Variants in TMTC3 observed in about 807,000 individuals in gnomAD.
TMTC3 encodes transmembrane O-mannosyltransferase targeting cadherins 3.
TMTC3 carries 52 observed loss-of-function variants against 92.2 expected under a neutral mutation model. The observed-to-expected ratio is 0.56, with a 90% CI of 0.45 to 0.71. The LOEUF is 0.71. TMTC3 is among the 30% of genes least tolerant of loss of function. TMTC3 has a pLI of 0.00. For missense variants in TMTC3, 896 were observed against 1,057.1 expected (o/e 0.85, Z 2.11); for synonymous variants, 339 against 363.3 (o/e 0.93, Z 0.76).
At chr12:88,161,912 A>G (rs933782707) in intron 6 of TMTC3, among the ~76,000 whole-genome samples, 4 of 151,914 alleles carry the variant, frequency 2.6e-5, no homozygotes, top group South Asian at 2.1e-4. Context: ...TTGAACATAC[A>G]TTGCTTTAAA....
chr12:88,191,521 A>G (rs946556825), intron 12 of TMTC3, among the ~76,000 whole-genome samples: 4 of 152,194 alleles, frequency 2.6e-5, no homozygotes, highest in Admixed American at 2.6e-4. Flanking sequence ...TTATTTGTAC[A>G]TATGTAAAAA....
At position 88,150,552 on chromosome 12, in the gene TMTC3, A is replaced by T. The variant is rs1380868523; in HGVS notation, c.189+2048A>T. On this transcript the variant is annotated intron_variant, in intron 2 of 13. Coordinates refer to ENST00000266712, the MANE Select transcript of TMTC3 (RefSeq NM_181783.4). ...AGCAGATGGACTAAGAAAAAGACTCATATGTTCTGACAGAATGGATGAACA... is the reference window on the plus strand; with the variant it reads ...AGCAGATGGACTAAGAAAAAGACTCTTATGTTCTGACAGAATGGATGAACA... Among the ~76,000 whole-genome samples, 8 of 152,308 alleles carry T rather than the reference A, an allele frequency of 5.3e-5. No homozygotes were observed. In the East Asian group the frequency reaches 1.5e-3, roughly 29 times the overall value.
intron 6 of TMTC3, among the ~76,000 whole-genome samples, chr12:88,162,117 T>TTCTA (rs2138385485): frequency 6.6e-6 from 1 of 152,218 alleles, no homozygotes; most frequent in East Asian, 1.9e-4. Flanking sequence ...GGGTGGAGAA[T>TTCTA]TCTACACTGG....
intron 8 of TMTC3, among the ~76,000 whole-genome samples, chr12:88,173,859 C>T (rs1462895255): frequency 6.6e-6 from 1 of 152,092 alleles, no homozygotes; most frequent in Non-Finnish European, 1.5e-5. Context: ...CAAGATCACA[C>T]AGCTAGTAAA....
intron 6 of TMTC3, among the ~76,000 whole-genome samples, chr12:88,163,584 A>G (rs899484533): frequency 2.0e-5 from 3 of 152,188 alleles, no homozygotes; most frequent in Non-Finnish European, 2.9e-5. Flanking sequence ...AATTTGTTCC[A>G]TAACTGTCTG....
chr12:88,163,979 G>A (rs895617841), intron 6 of TMTC3, among the ~76,000 whole-genome samples: 1 of 151,978 alleles, frequency 6.6e-6, no homozygotes, highest in Non-Finnish European at 1.5e-5. Flanking sequence ...GATCACTTGA[G>A]GTCAGGAGTT....
chr12:88,188,882 A>G lies in TMTC3; in HGVS notation c.1472A>G (p.Lys491Arg), dbSNP rs1293662508. Reference protein sequence around the residue: ...GAHMNVGRTYKNLNRTKEAEE... With the variant: ...GAHMNVGRTYRNLNRTKEAEE... ...CATATGAATGTAGGAAGAACTTATA[A>G]AAATTTAAATAGAACCAAAGAAGCT... is the stretch of plus-strand genomic sequence containing the variant. The change falls in exon 11 of 14, where the codon AAA (lysine) becomes AGA (arginine). Residue 491 changes from lysine to arginine, a missense_variant. Transcript: ENST00000266712. 1 of 1,595,986 alleles carries G rather than the reference A, an allele frequency of 6.3e-7. No homozygotes were observed. Among genetic ancestry groups the G allele is most frequent in the Non-Finnish European group, 8.5e-7 (1 of 1,173,120 alleles).
intron 10 of TMTC3, among the ~76,000 whole-genome samples, chr12:88,187,167 T>TAA (rs71448730): frequency 2.8e-4 from 36 of 126,358 alleles, no homozygotes; most frequent in African/African-American, 1.0e-3. Context: ...ATTTATCTGG[T>TAA]AAAAAAAAAA....
At chr12:88,193,134 T>C (rs903410920) in intron 13 of TMTC3, among the ~76,000 whole-genome samples, 3 of 152,146 alleles carry the variant, frequency 2.0e-5, no homozygotes, top group African/African-American at 7.2e-5. Flanking sequence ...AAACATAATG[T>C]AACTTATATA....
chr12:88,176,467 A>G (rs189657959), intron 10 of TMTC3, 148 bp downstream of exon 10: 6 of 573,310 alleles, frequency 1.0e-5, no homozygotes, highest in South Asian at 4.7e-5. Flanking sequence ...TGGATTACAT[A>G]TAACAGCCAC....
chr12:88,184,733 A>G, intron 10 of TMTC3, among the ~76,000 whole-genome samples: 1 of 152,226 alleles, frequency 6.6e-6, no homozygotes, highest in Non-Finnish European at 1.5e-5. Flanking sequence ...TCCATTCTAA[A>G]TAAAGGCATA....
In TMTC3 at chr12:88,194,965, A is replaced by G. The variant is rs758554038; in HGVS notation, c.2061A>G (p.Ala687=). ...TGGATGACAAAAAGGACAATGAAGC[A>G]GAGATTTGGATGAAGAAAGCCATAA... ...LAMDDKKDNE[A]EIWMKKAIKL... is the part of the protein sequence containing the mutation. The change falls in exon 14 of 14, where the codon GCA becomes GCG. Residue 687 remains alanine (A), a synonymous_variant. Coordinates refer to ENST00000266712, the MANE Select transcript of TMTC3 (RefSeq NM_181783.4). 6.2e-7 allele frequency: 1 copy of G among 1,613,896 alleles called. No homozygotes were observed. Among genetic ancestry groups the G allele is most frequent in the East Asian group, 2.2e-5 (1 of 44,806 alleles).
intron 2 of TMTC3, among the ~76,000 whole-genome samples, 157 bp from the exon 3 acceptor site, chr12:88,153,134 T>C (rs892068489): frequency 6.6e-6 from 1 of 152,160 alleles, no homozygotes; most frequent in Non-Finnish European, 1.5e-5. Context: ...TAAAACTGTA[T>C]TTTATTTTTG....
chr12:88,184,229 A>G (rs1012321472), intron 10 of TMTC3, among the ~76,000 whole-genome samples: 5 of 152,166 alleles, frequency 3.3e-5, no homozygotes, highest in South Asian at 2.1e-4. Context: ...ATTTAATGAT[A>G]AAGGCTTGGA....
intron 6 of TMTC3, among the ~76,000 whole-genome samples, chr12:88,161,554 ATAAT>A (rs1421093944): frequency 1.3e-5 from 2 of 151,970 alleles, no homozygotes; most frequent in Admixed American, 1.3e-4. Flanking sequence ...ATTTAATTTG[ATAAT>A]TGATATAGTT....
At chr12:88,174,901 C>T (rs1195984148) in intron 9 of TMTC3, among the ~76,000 whole-genome samples, 174 bp downstream of exon 9, 1 of 152,042 alleles carries the variant, frequency 6.6e-6, no homozygotes, top group East Asian at 1.9e-4. Flanking sequence ...ACCAAATGCT[C>T]TGAATAATAC....
intron 10 of TMTC3, among the ~76,000 whole-genome samples, chr12:88,178,731 T>C (rs2041285736): frequency 6.6e-6 from 1 of 152,190 alleles, no homozygotes; most frequent in Non-Finnish European, 1.5e-5. Context: ...GGATTAATTA[T>C]ATTCTAAGAG....
In TMTC3 at chr12:88,160,485, A is replaced by G. The variant is rs539758001; in HGVS notation, c.625-194A>G. Among the ~76,000 whole-genome samples the G allele has an allele frequency of 3.9e-5, 6 of 152,240 alleles. No individual in the cohort carries two copies. The South Asian group carries it at 8.3e-4, about 21-fold the overall frequency. ...TAGGCAGCTTGGAAAAGTATGCAAT[A>G]GTACTGTACAGTATAATTCATTATT... On this transcript the variant is annotated intron_variant, in intron 5 of 13. Transcript: ENST00000266712.
rs1565961652 is a variant in TMTC3, at chr12:88,195,313, T to A, written c.2409T>A (p.His803Gln). 1.2e-6 allele frequency: 2 copies of A among 1,613,854 alleles called. No homozygotes were observed. Among genetic ancestry groups the A allele is most frequent in the Non-Finnish European group, 1.7e-6 (2 of 1,179,876 alleles). Residue 803 changes from histidine to glutamine, a missense_variant, in exon 14 of 14, where the codon CAT (histidine) becomes CAA (glutamine). By Grantham distance (24) the His-to-Gln change is conservative (BLOSUM62 0). Transcript: ENST00000266712. ...TTGAAACACTGGCATTAGCACCACA[T>A]GAAGAATATATTCAGCGCCATTTGA... ...CLLETLALAP[H>Q]EEYIQRHLNI...
Sources: gnomAD v4.1 joint callset for allele counts (sites outside exome capture counted in the v4.1 genomes callset) on GRCh38, gnomAD v4.1.1 for gene constraint, MANE v1.5 for transcripts, NCBI Gene and HGNC (gene_info 2026-07-23, HGNC 2026-07-21) for gene names.